The following DTD1 variants were observed in gnomAD, a reference collection of about 807,000 sequenced individuals.
DTD1 encodes the protein D-tyrosyl-tRNA deacylase 1 homolog.
Under a neutral mutation model 25.6 loss-of-function variants are expected in DTD1, and 13 were observed. The observed-to-expected ratio is 0.51, with a 90% CI of 0.33 to 0.81. The LOEUF (loss-of-function observed/expected upper bound fraction) is 0.81, where lower values mean the gene tolerates loss of function less well. Among genes scored for constraint, DTD1 ranks in the 30% least tolerant of loss-of-function variants. DTD1 has a pLI of 0.02. For missense variants in DTD1, 193 were observed against 266.4 expected (o/e 0.72, Z 1.92); for synonymous variants, 110 against 103.6 (o/e 1.06, Z -0.37).
intron 5 of DTD1, among the ~76,000 whole-genome samples, chr20:18,751,064 C>CGTGTGTGTGT (rs144204072): frequency 0.19 from 28,156 of 150,186 alleles, 2,776 homozygotes; most frequent in East Asian, 0.32. Context: ...CTACAGCAGC[C>CGTGTGTGTGT]GTGTGTGTGT....
chr20:18,760,554 T>C (rs899539389), intron 5 of DTD1, among the ~76,000 whole-genome samples: 1 of 152,148 alleles, frequency 6.6e-6, no homozygotes, highest in Non-Finnish European at 1.5e-5. Flanking sequence ...ACAGTGGATA[T>C]TGGTGAACAG....
intron 4 of DTD1, among the ~76,000 whole-genome samples, chr20:18,725,707 C>G (rs1422377425): frequency 1.3e-5 from 2 of 152,200 alleles, no homozygotes; most frequent in African/African-American, 4.8e-5. Context: ...CCAAGTCACC[C>G]TCTGCTTACA....
chr20:18,627,628 C>T (rs2060764877), intron 3 of DTD1, among the ~76,000 whole-genome samples: 1 of 152,202 alleles, frequency 6.6e-6, no homozygotes, highest in Admixed American at 6.5e-5. Context: ...GCTGATCCTC[C>T]TCCCGGTCAA....
In DTD1 at chr20:18,766,060, G is replaced by A. The variant is rs2061378050; in HGVS notation, c.*2720G>A. 1 of 152,208 alleles carries A rather than the reference G, an allele frequency of 6.6e-6. No individual in the cohort carries two copies. The highest frequency in any genetic ancestry group is 2.1e-4 in the South Asian group (1 of 4,830). The allele number at this position is 152,208 out of a possible 1,614,324, so 9.4% of individuals were successfully genotyped here. ...ACATAGACCAAATAAAGGCATCTTT[G>A]GGGGCTGGATGTCCATAGCAGCACC... On this transcript the variant is annotated 3_prime_UTR_variant, in exon 6 of 6. Coordinates refer to ENST00000377452, the MANE Select transcript of DTD1 (RefSeq NM_080820.6).
chr20:18,607,808 G>T (rs1489121880), intron 3 of DTD1, among the ~76,000 whole-genome samples: 1 of 151,776 alleles, frequency 6.6e-6, no homozygotes, highest in East Asian at 1.9e-4. Context: ...CTGCCTCCCA[G>T]GTTCAAGCGA....
At chr20:18,649,219 C>T (rs1353148141) in intron 4 of DTD1, among the ~76,000 whole-genome samples, 3 of 150,066 alleles carry the variant, frequency 2.0e-5, no homozygotes, top group Non-Finnish European at 4.4e-5. Context: ...AGCCATGGGT[C>T]GCCTTGTTTG....
At chr20:18,666,144 TAAG>T (rs1568662807) in intron 4 of DTD1, among the ~76,000 whole-genome samples, 2 of 152,188 alleles carry the variant, frequency 1.3e-5, no homozygotes, top group African/African-American at 4.8e-5. Context: ...TTGACAGTCT[TAAG>T]GAGGACTGGC....
intron 3 of DTD1, among the ~76,000 whole-genome samples, chr20:18,618,263 A>T (rs2060717381): frequency 6.6e-6 from 1 of 152,146 alleles, no homozygotes; most frequent in Non-Finnish European, 1.5e-5. Context: ...TAATGCACAG[A>T]GTGTGGTTGG....
intron 4 of DTD1, among the ~76,000 whole-genome samples, chr20:18,694,802 A>T (rs1719588201): frequency 6.6e-6 from 1 of 152,224 alleles, no homozygotes; most frequent in African/African-American, 2.4e-5. Flanking sequence ...AAAAGTGTGT[A>T]TATCACTCTA....
At chr20:18,606,893 A>T (rs1317240561) in intron 3 of DTD1, among the ~76,000 whole-genome samples, 1 of 151,190 alleles carries the variant, frequency 6.6e-6, no homozygotes, top group Non-Finnish European at 1.5e-5. Context: ...TAACCTGCAC[A>T]ATGTGCACAT....
chr20:18,725,263 G>A (rs1213079763), intron 4 of DTD1, among the ~76,000 whole-genome samples: 1 of 152,166 alleles, frequency 6.6e-6, no homozygotes, highest in East Asian at 1.9e-4. Context: ...GTAACTCCGT[G>A]GTGTTGCCAT....
intron 4 of DTD1, among the ~76,000 whole-genome samples, chr20:18,656,215 C>T (rs2060891115): frequency 1.3e-5 from 2 of 152,166 alleles, no homozygotes; most frequent in South Asian, 2.1e-4. Context: ...TTCTTCTCTA[C>T]AAATATTTTA....
chr20:18,711,154 C>T (rs960661395), intron 4 of DTD1, among the ~76,000 whole-genome samples: 7 of 152,146 alleles, frequency 4.6e-5, no homozygotes, highest in African/African-American at 1.2e-4. Flanking sequence ...CCTGTGTGAG[C>T]GCAGGTGTTG....
chr20:18,721,807 C>T (rs909088679), intron 4 of DTD1, among the ~76,000 whole-genome samples: 24 of 152,114 alleles, frequency 1.6e-4, no homozygotes, highest in Admixed American at 5.2e-4. Context: ...GTTGTGGAGA[C>T]ACAGATGGGA....
chr20:18,622,314 A>G (rs1448678839), intron 3 of DTD1, among the ~76,000 whole-genome samples: 1 of 151,986 alleles, frequency 6.6e-6, no homozygotes, highest in African/African-American at 2.4e-5. Context: ...ACTCCCACTT[A>G]TGACATCTTT....
At chr20:18,759,937 T>C (rs2061354760) in intron 5 of DTD1, among the ~76,000 whole-genome samples, 1 of 152,216 alleles carries the variant, frequency 6.6e-6, no homozygotes, top group African/African-American at 2.4e-5. Flanking sequence ...TTCGTTTCTT[T>C]TTATTCTTTT....
intron 1 of DTD1, among the ~76,000 whole-genome samples, chr20:18,591,474 T>C (rs922214311): frequency 6.6e-6 from 1 of 152,158 alleles, no homozygotes; most frequent in Admixed American, 6.5e-5. Flanking sequence ...AGGAAAAGGT[T>C]ATGACATGAA....
chr20:18,737,741 C>T (rs942017053), intron 4 of DTD1, among the ~76,000 whole-genome samples: 5 of 152,198 alleles, frequency 3.3e-5, no homozygotes, highest in East Asian at 1.9e-4. Context: ...AAACTGTTGC[C>T]GGTAATTGTA....
intron 4 of DTD1, chr20:18,675,699 G>A (rs2060967803): frequency 7.1e-6 from 1 of 140,290 alleles, no homozygotes; most frequent in South Asian, 2.3e-4. Flanking sequence ...TTTCTATGTA[G>A]TCCTTTTTTC....
Sources: gnomAD v4.1 joint callset for allele counts (sites outside exome capture counted in the v4.1 genomes callset) on GRCh38, gnomAD v4.1.1 for gene constraint, MANE v1.5 for transcripts, NCBI Gene and HGNC (gene_info 2026-07-23, HGNC 2026-07-21) for gene names.